Variants in TRDN observed in about 807,000 individuals in gnomAD.
TRDN encodes the protein triadin, also known as triadin in skeletal muscle.
In TRDN, 161 loss-of-function variants were observed where a neutral mutation model predicts 149.7. The ratio of observed to expected loss-of-function variants is 1.08; its 90% confidence interval spans 0.95 to 1.23. The LOEUF is 1.23. Ranked by LOEUF, TRDN falls within the 50% of genes most tolerant of loss-of-function variation. TRDN has a pLI of 0.00. For missense variants in TRDN, 896 were observed against 823.5 expected, an observed-to-expected ratio of 1.09 and a Z score of -1.08; for synonymous variants, 294 against 250.5, an observed-to-expected ratio of 1.17 and a Z score of -1.64.
intron 10 of TRDN, chr6:123,457,705 T>G (rs892202741): frequency 6.4e-6 from 2 of 312,132 alleles, no homozygotes; most frequent in African/African-American, 4.4e-5. Flanking sequence ...GAAAGATACC[T>G]ATGTTACCTC....
intron 5 of TRDN, chr6:123,529,463 T>C (rs1344513445): frequency 1.9e-6 from 2 of 1,043,834 alleles, no homozygotes; most frequent in East Asian, 5.3e-5. Context: ...ATTAAAGACA[T>C]AATATCTGTA....
chr6:123,431,667 T>C (rs1346387858), intron 12 of TRDN, among the ~76,000 whole-genome samples: 1 of 152,164 alleles, frequency 6.6e-6, no homozygotes, highest in Non-Finnish European at 1.5e-5. Flanking sequence ...AAACTTAACA[T>C]GAATACATAT....
chr6:123,499,744 A>G lies in TRDN; in HGVS notation c.794-2492T>C, dbSNP rs866201342. Among the ~76,000 whole-genome samples the G allele has an allele frequency of 2.9e-3, 361 of 123,522 alleles. 16 individuals carry two copies. Among genetic ancestry groups the G allele is most frequent in the African/African-American group, 9.9e-3 (341 of 34,388 alleles). The allele number at this position is 123,522 out of a possible 152,430, so 81.0% of individuals were successfully genotyped here. On this transcript the variant is annotated intron_variant, in intron 8 of 40. Coordinates refer to ENST00000334268, the MANE Select transcript of TRDN (RefSeq NM_006073.4). The stretch of plus-strand genomic sequence containing the variant: ...AATATATATATATATATATATATAT[A>G]GTTACAGCTACCATGGTTGGGTCTG...
At chr6:123,401,403 T>C (rs952876391) in intron 12 of TRDN, among the ~76,000 whole-genome samples, 1 of 152,068 alleles carries the variant, frequency 6.6e-6, no homozygotes, top group Non-Finnish European at 1.5e-5. Context: ...GGGTTAGGGG[T>C]TGAACATTAT....
At chr6:123,383,345 T>C (rs990221221) in intron 14 of TRDN, among the ~76,000 whole-genome samples, 1 of 152,104 alleles carries the variant, frequency 6.6e-6, no homozygotes, top group Non-Finnish European at 1.5e-5. Flanking sequence ...AAACATATTT[T>C]AGGAAACAAA....
chr6:123,412,115 T>A (rs1452567621), intron 12 of TRDN, among the ~76,000 whole-genome samples: 1 of 152,202 alleles, frequency 6.6e-6, no homozygotes, highest in Non-Finnish European at 1.5e-5. Flanking sequence ...CGCAGTACTA[T>A]TTTTATCTCC....
intron 38 of TRDN, among the ~76,000 whole-genome samples, chr6:123,234,092 G>T (rs538663815): frequency 4.1e-4 from 63 of 151,980 alleles, no homozygotes; most frequent in Non-Finnish European, 6.6e-4. Context: ...AAGTTATTCA[G>T]CTTTTTAAGT....
intron 2 of TRDN, among the ~76,000 whole-genome samples, chr6:123,569,761 A>T (rs1782467792): frequency 6.6e-6 from 1 of 152,058 alleles, no homozygotes; most frequent in Non-Finnish European, 1.5e-5. Context: ...TCTCATGAGA[A>T]CTCACTATTG....
Position 123,278,307 on chromosome 6 carries a change from A to C in TRDN, c.1567+11T>G. On this transcript the variant is annotated intron_variant, in intron 26 of 40. Transcript: ENST00000334268. The stretch of plus-strand genomic sequence containing the variant: ...GGAAATCATATATGTGTATAAATAA[A>C]ATATACATACCTGGCTTCTCTTCCT... 1 of 1,285,018 alleles carries C rather than the reference A, an allele frequency of 7.8e-7. No individual in the cohort carries two copies. The allele number at this position is 1,285,018 out of a possible 1,614,324, so 79.6% of individuals were successfully genotyped here. A position where few individuals can be genotyped will look rare whatever the true frequency, so the allele number is the denominator to read the frequency against.
chr6:123,274,456 G>A (rs1777303419), intron 27 of TRDN, among the ~76,000 whole-genome samples, 185 bp downstream of exon 27: 1 of 152,056 alleles, frequency 6.6e-6, no homozygotes, highest in South Asian at 2.1e-4. Flanking sequence ...TTTTAGTCTA[G>A]GGAATATTCC....
At chr6:123,517,342 A>G (rs376875980) in intron 5 of TRDN, among the ~76,000 whole-genome samples, 86 of 152,180 alleles carry the variant, frequency 5.7e-4, no homozygotes, top group African/African-American at 2.0e-3. Flanking sequence ...TGGGCATATT[A>G]TTATACCTAT....
At chr6:123,311,677 C>T (rs558650758) in intron 24 of TRDN, among the ~76,000 whole-genome samples, 1 of 151,962 alleles carries the variant, frequency 6.6e-6, no homozygotes, top group South Asian at 2.1e-4. Context: ...AAAGGATTGT[C>T]TGCTATAGAA....
chr6:123,287,784 T>TAACA (rs1462341820), intron 24 of TRDN, among the ~76,000 whole-genome samples: 1 of 152,072 alleles, frequency 6.6e-6, no homozygotes, highest in Non-Finnish European at 1.5e-5. Flanking sequence ...AAAAATATTT[T>TAACA]AACAAACAAA....
At chr6:123,374,812 A>C (rs1781449316) in intron 19 of TRDN, among the ~76,000 whole-genome samples, 2 of 151,998 alleles carry the variant, frequency 1.3e-5, no homozygotes, top group Non-Finnish European at 2.9e-5. Flanking sequence ...AACAAAAAAA[A>C]ACCTCAGCAC....
chr6:123,269,601 T>A (rs1243317832), intron 31 of TRDN, among the ~76,000 whole-genome samples: 1 of 151,932 alleles, frequency 6.6e-6, no homozygotes, highest in Non-Finnish European at 1.5e-5. Flanking sequence ...TTAGTAGTGA[T>A]TTAATTAATC....
intron 40 of TRDN, among the ~76,000 whole-genome samples, chr6:123,219,181 G>A (rs1308047918): frequency 6.6e-6 from 1 of 151,870 alleles, no homozygotes; most frequent in Non-Finnish European, 1.5e-5. Flanking sequence ...GAGAGGTGGT[G>A]CCAACATCTA....
intron 7 of TRDN, among the ~76,000 whole-genome samples, chr6:123,508,023 C>G (rs1271954281): frequency 6.6e-6 from 1 of 152,022 alleles, no homozygotes; most frequent in South Asian, 2.1e-4. Context: ...GTAACTGCCT[C>G]TTCCTCTATG....
Position 123,503,641 on chromosome 6 carries a change from A to G in TRDN, c.793+78T>C, listed in dbSNP as rs775445235. The G allele has an allele frequency of 1.3e-5, 20 of 1,583,644 alleles. No individual in the cohort carries two copies. Among genetic ancestry groups the G allele is most frequent in the Admixed American group, 5.5e-5 (3 of 54,820 alleles). Reference sequence around the variant, plus strand: ...TGAAGTCTGATTTTGGTCTTTTTCAACTTTTAATTTCACTGCATGTGCTTC... The same window carrying G: ...TGAAGTCTGATTTTGGTCTTTTTCAGCTTTTAATTTCACTGCATGTGCTTC... On this transcript the variant is annotated intron_variant, in intron 8 of 40. Transcript: ENST00000334268.
intron 12 of TRDN, among the ~76,000 whole-genome samples, chr6:123,395,300 C>T (rs993755657): frequency 2.0e-5 from 3 of 152,076 alleles, no homozygotes; most frequent in Non-Finnish European, 2.9e-5. Flanking sequence ...TCACACACAC[C>T]TGCAAATTAT....
Sources: allele counts gnomAD v4.1 joint callset (sites outside exome capture counted in the v4.1 genomes callset), GRCh38; gene constraint gnomAD v4.1.1; transcripts MANE v1.5; gene names NCBI Gene and HGNC (gene_info 2026-07-23, HGNC 2026-07-21).